SLC2A5: variants seen among roughly 807,000 people sequenced by gnomAD.
The protein encoded by SLC2A5 is solute carrier family 2 member 5.
SLC2A5 carries 56 observed loss-of-function variants against 50.3 expected under a neutral mutation model. That is an observed-to-expected ratio of 1.11 (90% CI 0.90 to 1.39). The LOEUF (loss-of-function observed/expected upper bound fraction) is 1.39. Ranked by LOEUF, SLC2A5 falls within the 40% of genes most tolerant of loss-of-function variation. The probability of loss-of-function intolerance (pLI) is 0.00; values close to 1 mark genes in which losing one functional copy is unlikely to be tolerated. For missense variants in SLC2A5, 566 were observed against 650.1 expected, an observed-to-expected ratio of 0.87 and a Z score of 1.41; for synonymous variants, 269 against 281.9, an observed-to-expected ratio of 0.95 and a Z score of 0.46.
chr1:9,071,891 C>T (rs1642220869), upstream of SLC2A5, among the ~76,000 whole-genome samples: 1 of 151,940 alleles, frequency 6.6e-6, no homozygotes, highest in South Asian at 2.1e-4. Flanking sequence ...TGCCTCAGCC[C>T]GGATCCCCCT....
At chr1:9,079,091 A>T (rs1474462787) in intron 2 of SLC2A5, among the ~76,000 whole-genome samples, 1 of 152,000 alleles carries the variant, frequency 6.6e-6, no homozygotes, top group Non-Finnish European at 1.5e-5. Flanking sequence ...TGGGCATGCC[A>T]CCTGGCCGCC....
At chr1:9,060,549 C>T (rs952450526) in intron 1 of SLC2A5, among the ~76,000 whole-genome samples, 1 of 143,706 alleles carries the variant, frequency 7.0e-6, no homozygotes, top group Non-Finnish European at 1.5e-5. Context: ...CACACACATA[C>T]CCCACACACA....
chr1:9,061,300 A>G (rs1233046372), intron 1 of SLC2A5, among the ~76,000 whole-genome samples: 1 of 148,268 alleles, frequency 6.7e-6, no homozygotes. Context: ...AAAAAAGAAA[A>G]AAGAAAAAAT....
At chr1:9,065,479 C>T (rs183308740) in intron 1 of SLC2A5, among the ~76,000 whole-genome samples, 4 of 152,326 alleles carry the variant, frequency 2.6e-5, no homozygotes, top group Admixed American at 1.3e-4. Flanking sequence ...GAGTAGTTAG[C>T]GCTCATGGAG....
intron 11 of SLC2A5, 46 bp from the exon 12 acceptor site, chr1:9,037,835 A>G: frequency 6.2e-7 from 1 of 1,613,874 alleles, no homozygotes; most frequent in Non-Finnish European, 8.5e-7. Context: ...TGGTTTGCCC[A>G]GGGGCTCGCA....
chr1:9,067,651 G>A (rs1278602642), intron 1 of SLC2A5, among the ~76,000 whole-genome samples: 2 of 152,148 alleles, frequency 1.3e-5, no homozygotes, highest in South Asian at 2.1e-4. Context: ...TGACCCAAGC[G>A]AAGGGGCTGA....
At chr1:9,087,982 A>G (rs746477157) in intron 1 of SLC2A5, among the ~76,000 whole-genome samples, 20 of 152,150 alleles carry the variant, frequency 1.3e-4, no homozygotes, top group Non-Finnish European at 2.2e-4. Context: ...GCCTGGCCCC[A>G]GTGCAAATGA....
intron 3 of SLC2A5, among the ~76,000 whole-genome samples, chr1:9,055,416 C>T (rs978008582): frequency 6.6e-6 from 1 of 151,964 alleles, no homozygotes; most frequent in African/African-American, 2.4e-5. Flanking sequence ...ACTTGGGAGG[C>T]CGAGGCAGGA....
chr1:9,058,092 A>T, intron 2 of SLC2A5, 60 bp downstream of exon 2: 1 of 1,304,458 alleles, frequency 7.7e-7, no homozygotes, highest in Non-Finnish European at 1.1e-6. Context: ...GGCCAGTCCC[A>T]CCCAGGCAAT....
chr1:9,038,712 G>A (rs1351762230), intron 9 of SLC2A5, 116 bp downstream of exon 9: 5 of 1,432,004 alleles, frequency 3.5e-6, no homozygotes, highest in Non-Finnish European at 9.3e-7. Context: ...AGTTGTATTT[G>A]CTAAAACAGC....
At chr1:9,054,575 T>C (rs184488441) in intron 3 of SLC2A5, among the ~76,000 whole-genome samples, 2 of 152,244 alleles carry the variant, frequency 1.3e-5, no homozygotes, top group East Asian at 3.9e-4. Flanking sequence ...ACTCAATATA[T>C]ACAAAATAAA....
At chr1:9,066,858 G>A (rs1569903520) in intron 1 of SLC2A5, among the ~76,000 whole-genome samples, 1 of 151,782 alleles carries the variant, frequency 6.6e-6, no homozygotes, top group South Asian at 2.1e-4. Context: ...CATGCCTGTA[G>A]TCCCAGCTAC....
chr1:9,085,563 A>G (rs761883125), intron 1 of SLC2A5, among the ~76,000 whole-genome samples: 1 of 152,228 alleles, frequency 6.6e-6, no homozygotes, highest in Non-Finnish European at 1.5e-5. Flanking sequence ...GTTTTTTATC[A>G]GCCTTAAAGT....
intron 3 of SLC2A5, chr1:9,049,116 G>GAAGCA (rs1282313194): frequency 8.8e-6 from 4 of 456,114 alleles, no homozygotes; most frequent in African/African-American, 8.0e-5. Flanking sequence ...GATCCTGACA[G>GAAGCA]AAGCAAAGCA....
At chr1:9,073,809 C>T (rs77753620), upstream of SLC2A5, among the ~76,000 whole-genome samples, 4,058 of 152,254 alleles carry the variant, frequency 0.027, 177 homozygotes, top group African/African-American at 0.089. Context: ...GAATGCTGGC[C>T]GGGCGCGGTG....
intron 4 of SLC2A5, among the ~76,000 whole-genome samples, chr1:9,044,447 A>G (rs1641388921): frequency 6.6e-6 from 1 of 152,224 alleles, no homozygotes; most frequent in Admixed American, 6.5e-5. Flanking sequence ...ATGTTCCAGT[A>G]AAAGTCATAC....
In SLC2A5 at chr1:9,049,984, T is replaced by G. The variant is rs540886505; in HGVS notation, c.294-2250A>C. Among the ~76,000 whole-genome samples the G allele has an allele frequency of 2.6e-5, 4 of 150,974 alleles. No homozygotes were observed. In the South Asian group the frequency reaches 8.4e-4, roughly 32 times the overall value. On this transcript the variant is annotated intron_variant, in intron 3 of 11. Transcript: ENST00000377424. Reference sequence around the variant, plus strand: ...AGACGCCATCTCTAGAAAAAAATAATAGATTGGCCAGGCGCAGTGGCTCAC... The same window carrying G: ...AGACGCCATCTCTAGAAAAAAATAAGAGATTGGCCAGGCGCAGTGGCTCAC...
chr1:9,048,472 A>G (rs760228043), intron 3 of SLC2A5, among the ~76,000 whole-genome samples: 1 of 152,156 alleles, frequency 6.6e-6, no homozygotes, highest in Non-Finnish European at 1.5e-5. Flanking sequence ...AGATCGTGCC[A>G]CTGCACTCCA....
chr1:9,081,655 A>G (rs1159618392), intron 2 of SLC2A5, among the ~76,000 whole-genome samples: 2 of 152,220 alleles, frequency 1.3e-5, no homozygotes, highest in African/African-American at 4.8e-5. Context: ...CAAAGAAGAT[A>G]TGCAAATGAC....
Sources: gnomAD v4.1 joint callset for allele counts (sites outside exome capture counted in the v4.1 genomes callset) on GRCh38, gnomAD v4.1.1 for gene constraint, MANE v1.5 for transcripts, NCBI Gene and HGNC (gene_info 2026-07-23, HGNC 2026-07-21) for gene names.